Variants in GABRB1 observed in about 807,000 individuals in gnomAD.
GABRB1 encodes the protein gamma-aminobutyric acid receptor subunit beta-1.
A neutral mutation model predicts 51.6 loss-of-function variants in GABRB1; 17 were observed. The observed-to-expected ratio is 0.33, with a 90% CI of 0.23 to 0.49. The LOEUF (loss-of-function observed/expected upper bound fraction) is 0.49, where lower values mean the gene tolerates loss of function less well. Among genes scored for constraint, GABRB1 ranks in the 20% least tolerant of loss-of-function variants. The pLI, the probability that GABRB1 is intolerant of heterozygous loss-of-function variation, is 0.99. For synonymous variants in GABRB1, 247 were observed against 218.9 expected (o/e 1.13, Z -1.14); for missense variants, 410 against 600.6 (o/e 0.68, Z 3.32).
intron 4 of GABRB1, among the ~76,000 whole-genome samples, chr4:47,312,263 T>G (rs1724719963): frequency 2.0e-5 from 3 of 152,174 alleles, no homozygotes; most frequent in Admixed American, 2.0e-4. Context: ...GTTTATCTCC[T>G]TTGGTTTCCT....
chr4:47,081,881 T>C (rs947165950), intron 3 of GABRB1, among the ~76,000 whole-genome samples: 3 of 152,114 alleles, frequency 2.0e-5, no homozygotes, highest in African/African-American at 7.2e-5. Flanking sequence ...TATTCTATCA[T>C]TTGTACTGTG....
chr4:47,090,259 C>T (rs749937094), intron 3 of GABRB1, among the ~76,000 whole-genome samples: 29 of 152,182 alleles, frequency 1.9e-4, no homozygotes, highest in Non-Finnish European at 3.5e-4. Flanking sequence ...ATGTCTAATG[C>T]AATCAATTGT....
chr4:47,401,807 TCTATCTATCTATCTAG>T (rs1324245644), intron 5 of GABRB1, among the ~76,000 whole-genome samples: 8 of 71,192 alleles, frequency 1.1e-4, no homozygotes, highest in Non-Finnish European at 2.0e-4. Context: ...ATTCCATCTA[TCTATCTATCTATCTAG>T]CTATCTATCT....
At chr4:47,367,538 T>A (rs1578126204) in intron 5 of GABRB1, among the ~76,000 whole-genome samples, 2 of 152,318 alleles carry the variant, frequency 1.3e-5, no homozygotes, top group East Asian at 1.9e-4. Context: ...TGGTAATTGA[T>A]CTTCTACCCA....
intron 3 of GABRB1, among the ~76,000 whole-genome samples, chr4:47,126,350 G>A (rs1294296399): frequency 6.6e-6 from 1 of 152,042 alleles, no homozygotes; most frequent in East Asian, 1.9e-4. Context: ...TGTATAACAT[G>A]GTGACTATAG....
At chr4:47,421,811 CAAT>C (rs1162154252) in intron 8 of GABRB1, among the ~76,000 whole-genome samples, 1 of 152,036 alleles carries the variant, frequency 6.6e-6, no homozygotes, top group Non-Finnish European at 1.5e-5. Flanking sequence ...TTGTCCCTCC[CAAT>C]ATTATGCTTC....
intron 5 of GABRB1, among the ~76,000 whole-genome samples, chr4:47,384,099 G>A (rs932728457): frequency 6.6e-6 from 1 of 151,868 alleles, no homozygotes. Flanking sequence ...TAAAAATAAC[G>A]TATCAGGTTT....
At chr4:47,081,303 C>A (rs1311254097) in intron 3 of GABRB1, among the ~76,000 whole-genome samples, 1 of 152,198 alleles carries the variant, frequency 6.6e-6, no homozygotes, top group Non-Finnish European at 1.5e-5. Context: ...TATTTAACAT[C>A]CCAGAGCCTC....
chr4:47,179,526 C>T (rs1304628212), intron 4 of GABRB1, among the ~76,000 whole-genome samples: 2 of 151,848 alleles, frequency 1.3e-5, no homozygotes, highest in Non-Finnish European at 2.9e-5. Flanking sequence ...AGACTTGGAA[C>T]CAACCCAAAT....
At chr4:47,180,549 T>G (rs1215777417) in intron 4 of GABRB1, among the ~76,000 whole-genome samples, 1 of 152,098 alleles carries the variant, frequency 6.6e-6, no homozygotes, top group East Asian at 1.9e-4. Context: ...GTTATTTGGA[T>G]GCTTTTTAAA....
intron 3 of GABRB1, among the ~76,000 whole-genome samples, chr4:47,064,641 CAAAA>C (rs33963952): frequency 6.9e-5 from 4 of 58,228 alleles, no homozygotes; most frequent in African/African-American, 2.2e-4. Context: ...GACTCCATCT[CAAAA>C]AAAAAAAAAA....
intron 4 of GABRB1, among the ~76,000 whole-genome samples, chr4:47,246,437 A>G (rs1721764915): frequency 7.5e-6 from 1 of 132,598 alleles, no homozygotes; most frequent in Non-Finnish European, 1.6e-5. Flanking sequence ...ATTGATGGGA[A>G]TTTGGGTTGG....
intron 3 of GABRB1, among the ~76,000 whole-genome samples, chr4:47,035,641 G>GAC (rs1172062061): frequency 6.6e-6 from 1 of 151,666 alleles, no homozygotes; most frequent in Non-Finnish European, 1.5e-5. Flanking sequence ...CCAAGCCACA[G>GAC]ACACACACAC....
At chr4:47,304,559 A>G (rs2109942808) in intron 4 of GABRB1, among the ~76,000 whole-genome samples, 1 of 152,068 alleles carries the variant, frequency 6.6e-6, no homozygotes, top group South Asian at 2.1e-4. Flanking sequence ...TTGGTTTGCA[A>G]ATTCTTTCAT....
At chr4:47,121,404 C>T (rs112179191) in intron 3 of GABRB1, among the ~76,000 whole-genome samples, 74 of 152,186 alleles carry the variant, frequency 4.9e-4, no homozygotes, top group African/African-American at 1.3e-3. Flanking sequence ...TCTCTTTCAG[C>T]GATATGAAGT....
rs1721464246 is a variant in GABRB1, at chr4:47,239,944, AC to A, written c.461+78478del. ...CTTCATGTACATTTCTACTCCAAGGACCCTTCTTTTTCTTGTGTTTCACTTA... is the reference window on the plus strand; with the variant it reads ...CTTCATGTACATTTCTACTCCAAGGACCTTCTTTTTCTTGTGTTTCACTTA... On this transcript the variant is annotated intron_variant, in intron 4 of 8. Transcript: ENST00000295454. Among the ~76,000 whole-genome samples, 4 of 152,156 alleles carry A rather than the reference AC, an allele frequency of 2.6e-5. No homozygotes were observed. In the South Asian group the frequency reaches 8.3e-4, roughly 32 times the overall value.
rs1723208565 is a variant in GABRB1, at chr4:47,279,746, T to C, written c.462-40381T>C. On this transcript the variant is annotated intron_variant, in intron 4 of 8. Transcript: ENST00000295454. ...AGTTTCCCTCCTCCCCCAATTTTGG[T>C]TCTCATTGGCTTTGAATATCTTTTT... 3.3e-5 allele frequency among the ~76,000 whole-genome samples: 5 copies of C among 152,080 alleles called. No individual in the cohort carries two copies. The South Asian group carries it at 1.0e-3, about 31-fold the overall frequency.
intron 4 of GABRB1, among the ~76,000 whole-genome samples, chr4:47,226,086 T>A (rs757047698): frequency 2.6e-5 from 4 of 152,156 alleles, no homozygotes; most frequent in Non-Finnish European, 4.4e-5. Context: ...TTAAACATAG[T>A]TCTAGGTATT....
At chr4:47,053,991 A>C (rs1158572885) in intron 3 of GABRB1, among the ~76,000 whole-genome samples, 3 of 152,102 alleles carry the variant, frequency 2.0e-5, no homozygotes, top group African/African-American at 7.2e-5. Context: ...CATTTTATAT[A>C]CTTTTCCTAT....
Sources: allele counts gnomAD v4.1 joint callset (sites outside exome capture counted in the v4.1 genomes callset), GRCh38; gene constraint gnomAD v4.1.1; transcripts MANE v1.5; gene names NCBI Gene and HGNC (gene_info 2026-07-23, HGNC 2026-07-21).